The following TMEM132D variants were observed in gnomAD, a reference collection of about 807,000 sequenced individuals.
TMEM132D encodes mature OL transmembrane protein.
TMEM132D carries 21 observed loss-of-function variants against 62.3 expected under a neutral mutation model. The ratio of observed to expected loss-of-function variants is 0.34; its 90% confidence interval spans 0.24 to 0.49. The LOEUF (loss-of-function observed/expected upper bound fraction) is 0.49. Among genes scored for constraint, TMEM132D ranks in the 20% least tolerant of loss-of-function variants. The pLI is 0.99. For synonymous variants in TMEM132D, 621 were observed against 575.6 expected, an observed-to-expected ratio of 1.08 and a Z score of -1.13; for missense variants, 1,346 against 1,402.8, an observed-to-expected ratio of 0.96 and a Z score of 0.65.
At chr12:129,816,826 T>C (rs1321745475) in intron 1 of TMEM132D, among the ~76,000 whole-genome samples, 1 of 152,236 alleles carries the variant, frequency 6.6e-6, no homozygotes, top group Non-Finnish European at 1.5e-5. Context: ...ACGCAGATGA[T>C]GTTCTCATGC....
At chr12:129,275,752 C>T (rs993528034) in intron 4 of TMEM132D, among the ~76,000 whole-genome samples, 2 of 152,154 alleles carry the variant, frequency 1.3e-5, no homozygotes, top group African/African-American at 4.8e-5. Flanking sequence ...ATCTCACCTG[C>T]CTGGAGGAGC....
At chr12:129,506,798 G>C (rs750113701) in intron 3 of TMEM132D, among the ~76,000 whole-genome samples, 34 of 152,260 alleles carry the variant, frequency 2.2e-4, no homozygotes, top group Non-Finnish European at 3.8e-4. Flanking sequence ...CATTGGCTTA[G>C]GCAAGGATTT....
At chr12:129,786,498 C>A (rs897569275) in intron 1 of TMEM132D, among the ~76,000 whole-genome samples, 1 of 152,198 alleles carries the variant, frequency 6.6e-6, no homozygotes, top group Non-Finnish European at 1.5e-5. Flanking sequence ...CGAAGACGAA[C>A]CTTCATGGGT....
rs1417539785 is a variant in TMEM132D at position 129,337,707 on chromosome 12, A to G, written c.1226T>C (p.Ile409Thr). 1 of 1,614,172 alleles carries G rather than the reference A, an allele frequency of 6.2e-7. No individual in the cohort carries two copies. Among genetic ancestry groups the G allele is most frequent in the South Asian group, 1.1e-5 (1 of 91,082 alleles). Residue 409 changes from isoleucine (I) to threonine (T), a missense_variant, in exon 4 of 9, where the codon ATC becomes ACC. Transcript: ENST00000422113. The part of the protein sequence containing the change: ...VTWQVEYPGE[I>T]TSDLGVSKIY... ...CTTGGACACTCCCAAGTCAGACGTGATCTCTCCGGGGTACTCGACCTGCCA... is the reference window on the plus strand; with the variant it reads ...CTTGGACACTCCCAAGTCAGACGTGGTCTCTCCGGGGTACTCGACCTGCCA...
rs537288898 is a variant in TMEM132D, at chr12:129,285,985, A to T, written c.1299+51649T>A. ...TATTGATTCAGATAAGATGCTTTTT[A>T]AAAAAATATGCTATTAAATCCATGA... On this transcript the variant is annotated intron_variant, in intron 4 of 8. Coordinates refer to ENST00000422113, the MANE Select transcript of TMEM132D (RefSeq NM_133448.3). 6.0e-4 allele frequency among the ~76,000 whole-genome samples: 89 copies of T among 148,412 alleles called. 1 individual carries two copies. Among genetic ancestry groups the T allele is most frequent in the Non-Finnish European group, 1.1e-3 (75 of 67,948 alleles).
At chr12:129,306,659 G>C (rs929048536) in intron 4 of TMEM132D, among the ~76,000 whole-genome samples, 6 of 152,148 alleles carry the variant, frequency 3.9e-5, no homozygotes, top group African/African-American at 9.7e-5. Context: ...GGTTCTGAGT[G>C]GTCCTACAGC....
chr12:129,129,769 G>T (rs548797370), intron 5 of TMEM132D, among the ~76,000 whole-genome samples: 3 of 152,054 alleles, frequency 2.0e-5, no homozygotes, highest in Non-Finnish European at 4.4e-5. Context: ...TCATGTTCTT[G>T]TTGGCCGCTC....
At chr12:129,792,735 A>T (rs1871436680) in intron 1 of TMEM132D, among the ~76,000 whole-genome samples, 1 of 152,248 alleles carries the variant, frequency 6.6e-6, no homozygotes, top group African/African-American at 2.4e-5. Flanking sequence ...TTCCAAAAAA[A>T]GTTCTTTAAG....
intron 2 of TMEM132D, among the ~76,000 whole-genome samples, chr12:129,620,768 C>T (rs180798463): frequency 1.2e-4 from 19 of 152,086 alleles, no homozygotes; most frequent in Non-Finnish European, 2.2e-4. Context: ...GGGAGCTGAA[C>T]GATGAGAACA....
In TMEM132D at chr12:129,383,101, T is replaced by C. The variant is rs986583731; in HGVS notation, c.1116-45284A>G. Among the ~76,000 whole-genome samples the C allele has an allele frequency of 3.4e-4, 51 of 151,866 alleles. 1 individual carries two copies. Among genetic ancestry groups the C allele is most frequent in the African/African-American group, 1.2e-3 (48 of 41,326 alleles). Reference sequence around the variant, plus strand: ...CTGACCCCATTACAGAGCTGTGGAGTCCAGCAGGCTACCCACCAAATCAGG... The same window carrying C: ...CTGACCCCATTACAGAGCTGTGGAGCCCAGCAGGCTACCCACCAAATCAGG... On this transcript the variant is annotated intron_variant, in intron 3 of 8. Transcript: ENST00000422113.
intron 2 of TMEM132D, among the ~76,000 whole-genome samples, chr12:129,666,580 C>T (rs643439): frequency 0.76 from 115,881 of 152,078 alleles, 44,529 homozygotes; most frequent in East Asian, 0.85. Flanking sequence ...CTTTTGAAAA[C>T]TGTCAATTTA....
At chr12:129,902,661 C>A (rs540734043) in intron 1 of TMEM132D, among the ~76,000 whole-genome samples, 1 of 152,318 alleles carries the variant, frequency 6.6e-6, no homozygotes, top group South Asian at 2.1e-4. Context: ...GCTCCCAGCA[C>A]CCTACGGAAG....
In TMEM132D at chr12:129,318,956, G is replaced by A. The variant is rs564279210; in HGVS notation, c.1299+18678C>T. 6.6e-5 allele frequency among the ~76,000 whole-genome samples: 10 copies of A among 152,240 alleles called. No homozygotes were observed. In the South Asian group the frequency reaches 2.1e-3, roughly 32 times the overall value. ...CAGCTCCCACACCAACTGAAGGGCTGGTTTCACTCCCATTGTGCCCTCCGC... is the reference window on the plus strand; with the variant it reads ...CAGCTCCCACACCAACTGAAGGGCTAGTTTCACTCCCATTGTGCCCTCCGC... On this transcript the variant is annotated intron_variant, in intron 4 of 8. Transcript: ENST00000422113.
chr12:129,788,490 A>G (rs1424775183), intron 1 of TMEM132D, among the ~76,000 whole-genome samples: 1 of 152,272 alleles, frequency 6.6e-6, no homozygotes, highest in East Asian at 1.9e-4. Context: ...ATTTTTCAGC[A>G]GAAGAGATAT....
At chr12:129,814,828 C>G (rs1048150028) in intron 1 of TMEM132D, among the ~76,000 whole-genome samples, 4 of 152,048 alleles carry the variant, frequency 2.6e-5, no homozygotes, top group African/African-American at 7.2e-5. Flanking sequence ...TTCTCAACAT[C>G]TAAGATGCCT....
chr12:129,678,799 T>C (rs779622609), intron 2 of TMEM132D, among the ~76,000 whole-genome samples: 28 of 152,110 alleles, frequency 1.8e-4, no homozygotes, highest in Non-Finnish European at 2.6e-4. Flanking sequence ...TCAATGCCTA[T>C]AAATGGCATG....
chr12:129,420,305 T>TG (rs200474751), intron 3 of TMEM132D, among the ~76,000 whole-genome samples: 1,144 of 91,192 alleles, frequency 0.013, 17 homozygotes, highest in African/African-American at 0.033. Context: ...GCACGTTCTC[T>TG]GTTTTTTTTT....
chr12:129,153,451 G>A (rs894461232), intron 5 of TMEM132D, among the ~76,000 whole-genome samples: 3 of 152,018 alleles, frequency 2.0e-5, no homozygotes, highest in Admixed American at 6.5e-5. Context: ...GCCGGGTCTC[G>A]GTGTTTGGGT....
intron 5 of TMEM132D, among the ~76,000 whole-genome samples, chr12:129,142,908 C>T (rs367971873): frequency 6.6e-6 from 1 of 152,134 alleles, no homozygotes; most frequent in African/African-American, 2.4e-5. Context: ...CCTTGGGTGA[C>T]ATGACCATCC....
Sources: allele counts gnomAD v4.1 joint callset (sites outside exome capture counted in the v4.1 genomes callset), GRCh38; gene constraint gnomAD v4.1.1; transcripts MANE v1.5; gene names NCBI Gene and HGNC (gene_info 2026-07-23, HGNC 2026-07-21).